The following DPYSL3 variants were observed in gnomAD, a reference collection of about 807,000 sequenced individuals.
DPYSL3 encodes the protein dihydropyrimidinase like 3.
In DPYSL3, 16 loss-of-function variants were observed where a neutral mutation model predicts 66.1. That is an observed-to-expected ratio of 0.24 (90% CI 0.16 to 0.37). The LOEUF is 0.37. Among genes scored for constraint, DPYSL3 ranks in the 10% least tolerant of loss-of-function variants. The probability of loss-of-function intolerance (pLI) is 1.00; values close to 1 mark genes in which losing one functional copy is unlikely to be tolerated. For synonymous variants in DPYSL3, 338 were observed against 345.1 expected (o/e 0.98, Z 0.23); for missense variants, 738 against 916.2 (o/e 0.81, Z 2.51).
chr5:147,426,626 T>C (rs1230543137), intron 1 of DPYSL3, among the ~76,000 whole-genome samples: 2 of 152,188 alleles, frequency 1.3e-5, no homozygotes, highest in African/African-American at 4.8e-5. Flanking sequence ...CATCATTCCC[T>C]TGATGCTGAT....
At chr5:147,462,044 T>G (rs1462618138) in intron 1 of DPYSL3, among the ~76,000 whole-genome samples, 1 of 151,580 alleles carries the variant, frequency 6.6e-6, no homozygotes, top group East Asian at 1.9e-4. Context: ...GCTGCCAGTC[T>G]CCATCATATC....
At chr5:147,438,514 G>A (rs1480905652) in intron 1 of DPYSL3, among the ~76,000 whole-genome samples, 1 of 152,138 alleles carries the variant, frequency 6.6e-6, no homozygotes, top group Non-Finnish European at 1.5e-5. Context: ...ATTCAAGACC[G>A]CTTACTATCG....
chr5:147,453,644 G>A (rs961798743), intron 1 of DPYSL3: 24 of 1,505,250 alleles, frequency 1.6e-5, no homozygotes, highest in Non-Finnish European at 2.0e-5. Flanking sequence ...GCTCCGGCTC[G>A]CCCGCGCCTT....
intron 1 of DPYSL3, among the ~76,000 whole-genome samples, chr5:147,481,217 T>G (rs2126436096): frequency 6.6e-6 from 1 of 152,302 alleles, no homozygotes; most frequent in Admixed American, 6.5e-5. Context: ...TCACTGAACC[T>G]TGTTGAAACT....
chr5:147,415,836 A>G lies in DPYSL3; in HGVS notation c.693T>C (p.Thr231=), dbSNP rs371548122. Residue 231 remains threonine (T), a synonymous_variant, in exon 4 of 14, where the codon ACT becomes ACC. Coordinates refer to ENST00000343218, the MANE Select transcript of DPYSL3 (RefSeq NM_001197294.2). ...HVVPEPESSL[T]EAYEKWREWA... ...ACTCTCTCCATTTCTCATAGGCCTC[A>G]GTCAGGCTGGACTCAGGCTCAGGCA... 4 of 1,614,112 alleles carry G rather than the reference A, an allele frequency of 2.5e-6. No homozygotes were observed. Among genetic ancestry groups the G allele is most frequent in the Non-Finnish European group, 3.4e-6 (4 of 1,179,992 alleles).
chr5:147,457,968 C>A (rs373639176), intron 1 of DPYSL3, among the ~76,000 whole-genome samples: 1 of 152,112 alleles, frequency 6.6e-6, no homozygotes, highest in African/African-American at 2.4e-5. Context: ...CAGCTAAGAC[C>A]ATCTAGGAAA....
intron 1 of DPYSL3, among the ~76,000 whole-genome samples, chr5:147,502,860 G>T (rs1467972641): frequency 6.6e-6 from 1 of 152,184 alleles, no homozygotes; most frequent in Non-Finnish European, 1.5e-5. Flanking sequence ...ACAAGCGTGA[G>T]CCACTGTGCC....
intron 1 of DPYSL3, among the ~76,000 whole-genome samples, chr5:147,446,929 C>A (rs1188459481): frequency 6.6e-6 from 1 of 152,178 alleles, no homozygotes; most frequent in Non-Finnish European, 1.5e-5. Context: ...TGGCTAATGG[C>A]GGGAGGAGGT....
Position 147,509,402 on chromosome 5 carries a change from T to A in DPYSL3, c.381+76A>T. ...CCCGTGCAAAGTGAGCTGGAGAAAGTTGTGCCCGGGCCATGGCGGCCAGGG... is the reference window on the plus strand; with the variant it reads ...CCCGTGCAAAGTGAGCTGGAGAAAGATGTGCCCGGGCCATGGCGGCCAGGG... On this transcript the variant is annotated intron_variant, in intron 1 of 13. Coordinates refer to ENST00000343218, the MANE Select transcript of DPYSL3 (RefSeq NM_001197294.2). This position sits in a 1 kb window ranked among gnomAD's most constrained non-coding sequence, Gnocchi z 5.3. 6.9e-7 allele frequency: 1 copy of A among 1,439,484 alleles called. No individual in the cohort carries two copies. The highest frequency in any genetic ancestry group is 9.1e-7 in the Non-Finnish European group (1 of 1,099,288). 89.2% of individuals were successfully genotyped at this position (1,439,484 alleles called of 1,614,324 possible).
intron 1 of DPYSL3, among the ~76,000 whole-genome samples, chr5:147,486,308 AT>A (rs2126441806): frequency 6.6e-6 from 1 of 152,336 alleles, no homozygotes; most frequent in South Asian, 2.1e-4. Context: ...AGGTAAGTTT[AT>A]GTTATGAGTA....
intron 11 of DPYSL3, among the ~76,000 whole-genome samples, chr5:147,398,626 C>G (rs11738683): frequency 0.5 from 75,982 of 152,038 alleles, 20,472 homozygotes; most frequent in African/African-American, 0.7. Context: ...GAAGTCATCA[C>G]TGCTGTTTAC....
chr5:147,501,854 CTG>C (rs1753617143), intron 1 of DPYSL3, among the ~76,000 whole-genome samples: 1 of 152,080 alleles, frequency 6.6e-6, no homozygotes, highest in African/African-American at 2.4e-5. Flanking sequence ...GTGAAGGAGG[CTG>C]TGTGTTTATG....
chr5:147,424,347 A>G (rs1462683904), intron 2 of DPYSL3, among the ~76,000 whole-genome samples: 9 of 152,218 alleles, frequency 5.9e-5, no homozygotes, highest in African/African-American at 2.2e-4. Context: ...TAGGAAACCT[A>G]CACATAAAAC....
chr5:147,408,670 G>A (rs368390957), intron 7 of DPYSL3, 58 bp downstream of exon 7: 10 of 1,566,838 alleles, frequency 6.4e-6, no homozygotes, highest in African/African-American at 1.4e-5. Flanking sequence ...CATTCTCGTC[G>A]CCTTTTAACA....
chr5:147,463,375 G>GAAAACAAA (rs1561797161), intron 1 of DPYSL3, among the ~76,000 whole-genome samples: 3 of 152,104 alleles, frequency 2.0e-5, no homozygotes, highest in African/African-American at 7.3e-5. Flanking sequence ...TATATGGAAA[G>GAAAACAAA]AAAACAAAAA....
intron 1 of DPYSL3, among the ~76,000 whole-genome samples, chr5:147,502,445 A>T (rs1337329047): frequency 1.3e-5 from 2 of 152,188 alleles, no homozygotes; most frequent in Non-Finnish European, 2.9e-5. Flanking sequence ...GGTTAATGGC[A>T]GTTTTCTCCA....
chr5:147,463,531 A>G (rs767339611), intron 1 of DPYSL3, among the ~76,000 whole-genome samples: 14 of 152,120 alleles, frequency 9.2e-5, no homozygotes, highest in Non-Finnish European at 1.9e-4. Flanking sequence ...AGATACATGT[A>G]TTGCATTGTT....
intron 1 of DPYSL3, among the ~76,000 whole-genome samples, chr5:147,441,337 A>T (rs761730482): frequency 4.0e-5 from 6 of 151,622 alleles, no homozygotes; most frequent in Admixed American, 6.6e-5. Context: ...TATAGATCAA[A>T]CTCCCCTAAT....
chr5:147,494,605 C>A (rs59183728), intron 1 of DPYSL3, among the ~76,000 whole-genome samples: 19,379 of 151,158 alleles, frequency 0.13, 1,309 homozygotes, highest in Middle Eastern at 0.22. Flanking sequence ...GTGGCTCACA[C>A]CTGTAATCCC....
Sources: gnomAD v4.1 joint callset for allele counts (sites outside exome capture counted in the v4.1 genomes callset) on GRCh38, gnomAD v4.1.1 for gene constraint, Gnocchi (gnomAD v3.1) non-coding constraint, MANE v1.5 for transcripts, NCBI Gene and HGNC (gene_info 2026-07-23, HGNC 2026-07-21) for gene names.